Variants in MRPL48 observed in about 807,000 individuals in gnomAD.
The protein encoded by MRPL48 is mitochondrial ribosomal protein L48.
MRPL48 carries 16 observed loss-of-function variants against 32.9 expected under a neutral mutation model. The observed-to-expected ratio is 0.49, with a 90% CI of 0.33 to 0.74. MRPL48 has a LOEUF of 0.74. Ranked by LOEUF, MRPL48 falls within the 30% of genes least tolerant of loss-of-function variation. The pLI is 0.02. For missense variants in MRPL48, 206 were observed against 245.3 expected (o/e 0.84, Z 1.07); for synonymous variants, 94 against 89.2 (o/e 1.05, Z -0.31).
chr11:73,835,174 G>A (rs1321936922), intron 4 of MRPL48, among the ~76,000 whole-genome samples: 3 of 114,506 alleles, frequency 2.6e-5, no homozygotes, highest in East Asian at 2.6e-4. Flanking sequence ...ACGAAGTCTC[G>A]CTCTGTCACC....
rs565880715 is a variant in MRPL48, at chr11:73,829,688, A to G, written c.201+3892A>G. 2.6e-5 allele frequency among the ~76,000 whole-genome samples: 4 copies of G among 152,286 alleles called. No homozygotes were observed. The South Asian group carries it at 8.3e-4, about 32-fold the overall frequency. On this transcript the variant is annotated intron_variant, in intron 4 of 7. Coordinates refer to ENST00000310614, the MANE Select transcript of MRPL48 (RefSeq NM_016055.6). ...CCAGCCCTGAGTTGCTTTTCTTACC[A>G]TGAGCTGCCAGAGTTCTTGTGCTTC...
chr11:73,858,271 T>C (rs1948520775), intron 5 of MRPL48, among the ~76,000 whole-genome samples: 1 of 152,206 alleles, frequency 6.6e-6, no homozygotes, highest in African/African-American at 2.4e-5. Context: ...CTGAAAGAAT[T>C]TGCAATATCT....
intron 5 of MRPL48, among the ~76,000 whole-genome samples, chr11:73,851,944 G>C (rs1356479457): frequency 6.8e-6 from 1 of 146,686 alleles, no homozygotes; most frequent in Non-Finnish European, 1.5e-5. Flanking sequence ...CACACACACA[G>C]TGAATGCACA....
chr11:73,835,375 C>T (rs1352731466), intron 4 of MRPL48, among the ~76,000 whole-genome samples: 7 of 150,738 alleles, frequency 4.6e-5, no homozygotes, highest in Non-Finnish European at 8.9e-5. Context: ...CTCCTGACCT[C>T]GTGATCCGCC....
intron 5 of MRPL48, among the ~76,000 whole-genome samples, chr11:73,845,971 G>A (rs1305142664): frequency 1.3e-5 from 2 of 151,108 alleles, no homozygotes; most frequent in Admixed American, 6.6e-5. Context: ...GCGAGGCTGA[G>A]GCAGGAGAAT....
intron 3 of MRPL48, among the ~76,000 whole-genome samples, chr11:73,809,240 C>CAGTGG (rs111851513): frequency 6.6e-6 from 1 of 151,350 alleles, no homozygotes; most frequent in African/African-American, 2.4e-5. Context: ...TGGCCAGGTG[C>CAGTGG]CTCACGCCTG....
chr11:73,855,993 G>T (rs1948476672), intron 5 of MRPL48, among the ~76,000 whole-genome samples: 1 of 152,160 alleles, frequency 6.6e-6, no homozygotes, highest in Non-Finnish European at 1.5e-5. Flanking sequence ...TGTAAGGCAA[G>T]GACTATTTCT....
chr11:73,805,355 G>C (rs987686412), intron 2 of MRPL48, among the ~76,000 whole-genome samples: 6 of 150,532 alleles, frequency 4.0e-5, no homozygotes, highest in Non-Finnish European at 7.4e-5. Flanking sequence ...GGAGTGCAGT[G>C]GCGTGATCTT....
Position 73,802,689 on chromosome 11 carries a change from G to GCTTTTTTTTTT in MRPL48, c.22-2326_22-2316dup, listed in dbSNP as rs566171324. 5.7e-3 allele frequency among the ~76,000 whole-genome samples: 863 copies of GCTTTTTTTTTT among 151,600 alleles called. 8 individuals are homozygous for GCTTTTTTTTTT. Among genetic ancestry groups the GCTTTTTTTTTT allele is most frequent in the African/African-American group, 0.02 (821 of 41,276 alleles). On this transcript the variant is annotated intron_variant, in intron 1 of 7. Transcript: ENST00000310614. ...ATTCAGCACAGCAGTTGGCATATAA[G>GCTTTTTTTTTT]CTTTTTTTTTTCTTTTTTTTTTAAC...
At chr11:73,799,911 A>T (rs1424578305) in intron 1 of MRPL48, among the ~76,000 whole-genome samples, 1 of 152,190 alleles carries the variant, frequency 6.6e-6, no homozygotes, top group Non-Finnish European at 1.5e-5. Flanking sequence ...TATGAACTTC[A>T]TTAGTATAAA....
intron 2 of MRPL48, among the ~76,000 whole-genome samples, chr11:73,806,668 T>C (rs931836908): frequency 6.6e-6 from 1 of 152,190 alleles, no homozygotes; most frequent in African/African-American, 2.4e-5. Flanking sequence ...TTAATAAATA[T>C]TTGTTAAATG....
intron 5 of MRPL48, chr11:73,845,178 C>G: frequency 2.3e-6 from 1 of 442,146 alleles, no homozygotes; most frequent in East Asian, 3.9e-5. Flanking sequence ...TCTTCTCCCT[C>G]TTCCCCACTC....
At chr11:73,795,225 G>C (rs970030848) in intron 1 of MRPL48, among the ~76,000 whole-genome samples, 1 of 151,758 alleles carries the variant, frequency 6.6e-6, no homozygotes, top group African/African-American at 2.4e-5. Context: ...CTCATGCCCG[G>C]CTAATTTTTG....
intron 1 of MRPL48, among the ~76,000 whole-genome samples, chr11:73,794,387 C>T (rs1293324579): frequency 6.6e-6 from 1 of 151,446 alleles, no homozygotes; most frequent in African/African-American, 2.4e-5. Flanking sequence ...GAAACCTCAT[C>T]TCTACTAAAA....
At chr11:73,860,035 T>C (rs1948556715) in intron 6 of MRPL48, 26 bp downstream of exon 6, 2 of 1,568,950 alleles carry the variant, frequency 1.3e-6, no homozygotes, top group Non-Finnish European at 1.7e-6. Flanking sequence ...GAATAAAAAA[T>C]GTATTTGCTT....
intron 5 of MRPL48, among the ~76,000 whole-genome samples, chr11:73,849,914 G>A (rs1193667779): frequency 2.0e-5 from 3 of 152,034 alleles, no homozygotes; most frequent in African/African-American, 7.2e-5. Context: ...CCTGGGCAAC[G>A]TGGTGAAATC....
At chr11:73,840,241 C>T (rs529888857) in intron 4 of MRPL48, among the ~76,000 whole-genome samples, 1 of 152,202 alleles carries the variant, frequency 6.6e-6, no homozygotes, top group African/African-American at 2.4e-5. Context: ...GCCTATAATC[C>T]TAATACTTTG....
chr11:73,848,995 G>A (rs1168570074), intron 5 of MRPL48, among the ~76,000 whole-genome samples: 2 of 151,838 alleles, frequency 1.3e-5, no homozygotes, highest in African/African-American at 4.8e-5. Flanking sequence ...CTAATTTTTT[G>A]TATTTTTAGT....
chr11:73,790,062 A>ATTTTTTTT (rs34534770), intron 1 of MRPL48, among the ~76,000 whole-genome samples: 5 of 103,816 alleles, frequency 4.8e-5, no homozygotes, highest in Non-Finnish European at 5.7e-5. Flanking sequence ...TGCTCAGCTA[A>ATTTTTTTT]TTTTTTTTTT....
Sources: allele counts gnomAD v4.1 joint callset (sites outside exome capture counted in the v4.1 genomes callset), GRCh38; gene constraint gnomAD v4.1.1; transcripts MANE v1.5; gene names NCBI Gene and HGNC (gene_info 2026-07-23, HGNC 2026-07-21).